Variants in PCDHA10 observed in about 807,000 individuals in gnomAD.
PCDHA10 encodes protocadherin alpha 10.
A neutral mutation model predicts 61.2 loss-of-function variants in PCDHA10; 45 were observed. The ratio of observed to expected loss-of-function variants is 0.74; its 90% confidence interval spans 0.58 to 0.94. The LOEUF is 0.94. Ranked by LOEUF, PCDHA10 falls within the 40% of genes least tolerant of loss-of-function variation. PCDHA10 has a pLI of 0.00. For missense variants in PCDHA10, 1,278 were observed against 1,236.2 expected (o/e 1.03, Z -0.51); for synonymous variants, 602 against 548.8 (o/e 1.10, Z -1.35).
At chr5:140,944,718 G>A (rs1554216523) in intron 1 of PCDHA10, among the ~76,000 whole-genome samples, 1 of 152,088 alleles carries the variant, frequency 6.6e-6, no homozygotes, top group East Asian at 1.9e-4. Flanking sequence ...TTTTGCCTTT[G>A]AACACCTTAG....
intron 1 of PCDHA10, among the ~76,000 whole-genome samples, chr5:140,952,114 A>G (rs246038): frequency 0.56 from 85,531 of 151,814 alleles, 24,721 homozygotes; most frequent in African/African-American, 0.69. Flanking sequence ...CGTGTGAGGG[A>G]TGGGCTCCCA....
intron 1 of PCDHA10, among the ~76,000 whole-genome samples, chr5:140,872,587 A>AC (rs777810037): frequency 6.0e-4 from 91 of 152,014 alleles, no homozygotes; most frequent in Middle Eastern, 3.4e-3. Flanking sequence ...TCATCGTGAG[A>AC]CCCCCATCTG....
chr5:140,898,156 G>C (rs1176390379), intron 1 of PCDHA10, among the ~76,000 whole-genome samples: 2 of 152,114 alleles, frequency 1.3e-5, no homozygotes, highest in African/African-American at 4.8e-5. Context: ...TCACGCTGAT[G>C]GTGGTTTCTT....
intron 1 of PCDHA10, among the ~76,000 whole-genome samples, chr5:140,974,578 C>T (rs1554236214): frequency 6.6e-6 from 1 of 152,170 alleles, no homozygotes; most frequent in Admixed American, 6.5e-5. Flanking sequence ...ATGGCATGAT[C>T]TTGGCTCACT....
At chr5:140,887,438 A>T (rs540823028) in intron 1 of PCDHA10, among the ~76,000 whole-genome samples, 3 of 152,268 alleles carry the variant, frequency 2.0e-5, no homozygotes, top group Admixed American at 6.5e-5. Flanking sequence ...TTCACTGGGC[A>T]TAGTTGACAG....
intron 1 of PCDHA10, among the ~76,000 whole-genome samples, chr5:140,941,764 A>T (rs116374830): frequency 2.0e-5 from 3 of 152,190 alleles, no homozygotes. Flanking sequence ...TGCTTTTAAG[A>T]TAATTGTTTT....
At chr5:140,904,399 T>C (rs1583526237) in intron 1 of PCDHA10, among the ~76,000 whole-genome samples, 1 of 151,316 alleles carries the variant, frequency 6.6e-6, no homozygotes, top group East Asian at 1.9e-4. Flanking sequence ...TTCCATGGTG[T>C]ATTATATATA....
At chr5:140,985,290 A>G (rs1471502675) in intron 3 of PCDHA10, among the ~76,000 whole-genome samples, 1 of 152,108 alleles carries the variant, frequency 6.6e-6, no homozygotes, top group Non-Finnish European at 1.5e-5. Flanking sequence ...TCTATGATAT[A>G]GTGTTGGCTG....
At chr5:140,919,050 G>T (rs2153552038) in intron 1 of PCDHA10, among the ~76,000 whole-genome samples, 1 of 152,302 alleles carries the variant, frequency 6.6e-6, no homozygotes, top group Admixed American at 6.5e-5. Context: ...ATTATTGGAA[G>T]TGGAGTATTA....
intron 1 of PCDHA10, chr5:140,882,538 C>A: frequency 6.2e-7 from 1 of 1,614,170 alleles, no homozygotes; most frequent in Non-Finnish European, 8.5e-7. Context: ...ATTCTCGGAT[C>A]GACCGCGAGG....
chr5:140,925,498 A>G (rs1268906717), intron 1 of PCDHA10, among the ~76,000 whole-genome samples: 1 of 152,124 alleles, frequency 6.6e-6, no homozygotes, highest in East Asian at 1.9e-4. Flanking sequence ...CACTGTCCCA[A>G]TATCCACGCA....
At chr5:140,970,815 A>G (rs782758365) in intron 1 of PCDHA10, among the ~76,000 whole-genome samples, 2 of 152,114 alleles carry the variant, frequency 1.3e-5, no homozygotes, top group Non-Finnish European at 2.9e-5. Flanking sequence ...TTTCAAGTTC[A>G]TGGTAATCTT....
chr5:140,897,281 C>T lies in PCDHA10; in HGVS notation c.2388+38845C>T, dbSNP rs1583262674. On this transcript the variant is annotated intron_variant, in intron 1 of 3. Coordinates refer to ENST00000307360, the MANE Select transcript of PCDHA10 (RefSeq NM_018901.4). ...ATGTGCCATGCTGGTGTGCTGCACC[C>T]ATTAACTCGTCATTTAGCATTAGGT... Among the ~76,000 whole-genome samples, 6 of 151,664 alleles carry T rather than the reference C, an allele frequency of 4.0e-5. No homozygotes were observed. In the South Asian group the frequency reaches 1.2e-3, roughly 32 times the overall value.
intron 1 of PCDHA10, chr5:140,875,470 G>T: frequency 6.2e-7 from 1 of 1,605,786 alleles, no homozygotes; most frequent in Non-Finnish European, 8.5e-7. Context: ...CTCATTTTCT[G>T]CAATGGTGAT....
Position 141,009,784 on chromosome 5 carries a change from G to T in PCDHA10, c.2694G>T (p.Arg898=). The T allele has an allele frequency of 6.2e-7, 1 of 1,614,054 alleles. No individual in the cohort carries two copies. The highest frequency in any genetic ancestry group is 8.5e-7 in the Non-Finnish European group (1 of 1,180,018). ...GATCTCCTGCAATCATCTCCATCCG[G>T]CAGGAGCCTACTAACAGCCAAATTG... ...IPGSPAIISI[R]QEPTNSQIDK... The change falls in exon 4 of 4, where the codon CGG becomes CGT. Residue 898 remains arginine (R), a synonymous_variant. Coordinates refer to ENST00000307360, the MANE Select transcript of PCDHA10 (RefSeq NM_018901.4).
intron 1 of PCDHA10, chr5:140,870,730 C>T: frequency 1.4e-5 from 23 of 1,613,398 alleles, no homozygotes; most frequent in Non-Finnish European, 1.9e-5. Context: ...GGGCGTGCCG[C>T]CTCTGAGCAG....
Position 140,858,372 on chromosome 5 carries a change from C to T in PCDHA10, c.2324C>T (p.Pro775Leu). The T allele has an allele frequency of 6.3e-7, 1 of 1,587,864 alleles. No individual in the cohort carries two copies. Among genetic ancestry groups the T allele is most frequent in the Non-Finnish European group, 8.6e-7 (1 of 1,160,892 alleles). The change falls in exon 1 of 4, where the codon CCA becomes CTA. Residue 775 changes from proline (P) to leucine (L), a missense_variant. Coordinates refer to ENST00000307360, the MANE Select transcript of PCDHA10 (RefSeq NM_018901.4). The stretch of plus-strand genomic sequence containing the variant: ...CTCATGGCCTTCAGCCCCAGCCTTC[C>T]ACCATGCCCAATGGTAGATGTGGAC... The part of the protein sequence containing the change: ...ADLMAFSPSL[P>L]PCPMVDVDGE...
At chr5:140,871,288 G>A (rs1254609310) in intron 1 of PCDHA10, 2 of 1,613,786 alleles carry the variant, frequency 1.2e-6, no homozygotes, top group Non-Finnish European at 1.7e-6. Context: ...GCCCACTGAG[G>A]GCGCGTGCGC....
chr5:140,906,661 A>C (rs1237437986), intron 1 of PCDHA10, among the ~76,000 whole-genome samples: 1 of 152,176 alleles, frequency 6.6e-6, no homozygotes, highest in African/African-American at 2.4e-5. Flanking sequence ...TTCCTGGTGT[A>C]GTGACCCAAA....
Sources: gnomAD v4.1 joint callset for allele counts (sites outside exome capture counted in the v4.1 genomes callset) on GRCh38, gnomAD v4.1.1 for gene constraint, MANE v1.5 for transcripts, NCBI Gene and HGNC (gene_info 2026-07-23, HGNC 2026-07-21) for gene names.